Variants in EIF2B3 observed in about 807,000 individuals in gnomAD.
EIF2B3 encodes translation initiation factor eIF2B subunit gamma.
A neutral mutation model predicts 54.1 loss-of-function variants in EIF2B3; 20 were observed. The observed-to-expected ratio is 0.37, with a 90% CI of 0.26 to 0.54. The LOEUF (loss-of-function observed/expected upper bound fraction) is 0.54. Among genes scored for constraint, EIF2B3 ranks in the 20% least tolerant of loss-of-function variants. The probability of loss-of-function intolerance (pLI) is 0.86; values close to 1 mark genes in which losing one functional copy is unlikely to be tolerated. For missense variants in EIF2B3, 448 were observed against 547.8 expected (o/e 0.82, Z 1.82); for synonymous variants, 153 against 188.1 (o/e 0.81, Z 1.52).
At chr1:44,865,652 G>A (rs896057071) in intron 10 of EIF2B3, among the ~76,000 whole-genome samples, 10 of 151,920 alleles carry the variant, frequency 6.6e-5, no homozygotes, top group African/African-American at 1.9e-4. Context: ...CGCGAACTGG[G>A]CTCACTGCAA....
At chr1:44,902,874 C>A (rs908741918) in intron 5 of EIF2B3, among the ~76,000 whole-genome samples, 5 of 133,914 alleles carry the variant, frequency 3.7e-5, no homozygotes, top group Admixed American at 3.0e-4. Flanking sequence ...CCCAAAGAAG[C>A]GGCTGCCTGC....
At chr1:44,956,601 T>C (rs1190525683) in intron 3 of EIF2B3, among the ~76,000 whole-genome samples, 1 of 152,130 alleles carries the variant, frequency 6.6e-6, no homozygotes, top group Non-Finnish European at 1.5e-5. Flanking sequence ...TTTAAAAATA[T>C]GATCAATAAG....
chr1:44,874,425 T>C (rs1002329879), intron 10 of EIF2B3: 23 of 500,696 alleles, frequency 4.6e-5, no homozygotes, highest in African/African-American at 4.2e-4. Context: ...CCATGGATTC[T>C]TTTTGCCCTT....
Position 44,868,977 on chromosome 1 carries a change from G to A in EIF2B3, c.1202+5701C>T, listed in dbSNP as rs150729179. On this transcript the variant is annotated intron_variant, in intron 10 of 11. Coordinates refer to ENST00000360403, the MANE Select transcript of EIF2B3 (RefSeq NM_020365.5). ...CTAGCATTCCAGACTCAGTGCTGGA[G>A]CCAGACCATGAGGAATCATGAAGTT... 2.7e-3 allele frequency among the ~76,000 whole-genome samples: 414 copies of A among 152,278 alleles called. 2 individuals are homozygous for A. Among genetic ancestry groups the A allele is most frequent in the Admixed American group, 8.3e-3 (127 of 15,288 alleles).
intron 8 of EIF2B3, among the ~76,000 whole-genome samples, chr1:44,876,125 G>A (rs888327282): frequency 2.6e-5 from 4 of 152,142 alleles, no homozygotes; most frequent in Admixed American, 1.3e-4. Context: ...GCGTGATCTC[G>A]GCTAGCTACA....
intron 11 of EIF2B3, among the ~76,000 whole-genome samples, chr1:44,856,528 TAA>T (rs150728949): frequency 0.078 from 8,021 of 102,310 alleles, 421 homozygotes; most frequent in East Asian, 0.2. Flanking sequence ...AAATTAAAAT[TAA>T]AAAAAAAAAA....
intron 3 of EIF2B3, among the ~76,000 whole-genome samples, chr1:44,972,764 C>T (rs1427476262): frequency 1.3e-5 from 2 of 152,116 alleles, no homozygotes; most frequent in African/African-American, 4.8e-5. Flanking sequence ...ACCTCTCGAG[C>T]ACAAGCAGTC....
chr1:44,873,999 T>G (rs907613509), intron 10 of EIF2B3, among the ~76,000 whole-genome samples: 9 of 150,134 alleles, frequency 6.0e-5, no homozygotes, highest in African/African-American at 2.3e-4. Context: ...AATATTTGCA[T>G]TATACTTACC....
In EIF2B3 at chr1:44,874,733, C is replaced by G. The variant is rs1655065592; in HGVS notation, c.1147G>C (p.Asp383His). ...AGGCAATTGGTAATAGTCACTCTAT[C>G]TTTTATGAGACAGGATGAGCCAATG... ...SVIGSSCLIK[D>H]RVTITNCLLM... Residue 383 changes from aspartate to histidine, a missense_variant, in exon 10 of 12, where the codon GAT becomes CAT. Transcript: ENST00000360403. 1.2e-6 allele frequency: 2 copies of G among 1,614,192 alleles called. No individual in the cohort carries two copies. Among genetic ancestry groups the G allele is most frequent in the Non-Finnish European group, 1.7e-6 (2 of 1,180,028 alleles).
chr1:44,872,086 G>A (rs1557663721), intron 10 of EIF2B3, among the ~76,000 whole-genome samples: 2 of 152,060 alleles, frequency 1.3e-5, no homozygotes, highest in African/African-American at 4.8e-5. Flanking sequence ...AGGCTGCAGT[G>A]TAGTAGCACA....
At chr1:44,919,087 C>T (rs1445669374) in intron 5 of EIF2B3, among the ~76,000 whole-genome samples, 3 of 152,132 alleles carry the variant, frequency 2.0e-5, no homozygotes, top group Admixed American at 2.0e-4. Context: ...GTGGCTAATG[C>T]CTGTAATCCT....
intron 5 of EIF2B3, among the ~76,000 whole-genome samples, chr1:44,914,413 G>A (rs1293193245): frequency 6.6e-6 from 1 of 151,976 alleles, no homozygotes; most frequent in Non-Finnish European, 1.5e-5. Context: ...CGTCCACCTC[G>A]GCCTCTCAAA....
At position 44,930,529 on chromosome 1, in the gene EIF2B3, C is replaced by T. The variant is rs1643887778; in HGVS notation, c.455-3790G>A. 3.3e-5 allele frequency among the ~76,000 whole-genome samples: 5 copies of T among 152,340 alleles called. 1 individual carries two copies. In the South Asian group the frequency reaches 1.0e-3, roughly 32 times the overall value. On this transcript the variant is annotated intron_variant, in intron 4 of 11. Coordinates refer to ENST00000360403, the MANE Select transcript of EIF2B3 (RefSeq NM_020365.5). The stretch of plus-strand genomic sequence containing the variant: ...AGACTTTGTAGCCTCTGCTGTCATG[C>T]TTAGAACCTGCTGCTGCTACCTTGT...
At chr1:44,860,462 T>C (rs1654573201) in intron 10 of EIF2B3, among the ~76,000 whole-genome samples, 2 of 152,166 alleles carry the variant, frequency 1.3e-5, no homozygotes, top group African/African-American at 4.8e-5. Context: ...AAACCCCTCC[T>C]AGATGATTCT....
intron 6 of EIF2B3, among the ~76,000 whole-genome samples, chr1:44,884,353 T>G (rs947569587): frequency 6.6e-6 from 1 of 152,016 alleles, no homozygotes; most frequent in Non-Finnish European, 1.5e-5. Context: ...TCCCACCACC[T>G]CTCCCAGCCC....
chr1:44,929,300 T>C (rs920358002), intron 4 of EIF2B3, among the ~76,000 whole-genome samples: 3 of 152,188 alleles, frequency 2.0e-5, no homozygotes, highest in African/African-American at 7.2e-5. Flanking sequence ...ACAGAATATG[T>C]TTCGCTGTTG....
intron 10 of EIF2B3, among the ~76,000 whole-genome samples, chr1:44,868,128 A>G (rs1654840423): frequency 6.6e-6 from 1 of 152,050 alleles, no homozygotes; most frequent in Non-Finnish European, 1.5e-5. Flanking sequence ...GCCGGGCGCA[A>G]TGGCTCAAGC....
intron 5 of EIF2B3, chr1:44,925,018 T>A (rs1643824516): frequency 6.6e-6 from 1 of 152,216 alleles, no homozygotes; most frequent in Non-Finnish European, 1.5e-5. Context: ...TCCTTCTGTA[T>A]CTGAGACCAG....
At chr1:44,980,231 G>A (rs1231879803) in intron 2 of EIF2B3, among the ~76,000 whole-genome samples, 5 of 152,112 alleles carry the variant, frequency 3.3e-5, no homozygotes, top group African/African-American at 4.8e-5. Context: ...TTGGGAGGCC[G>A]AGGTGGGCAG....
Sources: gnomAD v4.1 joint callset for allele counts (sites outside exome capture counted in the v4.1 genomes callset) on GRCh38, gnomAD v4.1.1 for gene constraint, MANE v1.5 for transcripts, NCBI Gene and HGNC (gene_info 2026-07-23, HGNC 2026-07-21) for gene names.